Variants in TEKT3 observed in about 807,000 individuals in gnomAD.
TEKT3 encodes the protein tektin-3.
In TEKT3, 49 loss-of-function variants were observed where a neutral mutation model predicts 49.8. The ratio of observed to expected loss-of-function variants is 0.98; its 90% confidence interval spans 0.78 to 1.25. TEKT3 has a LOEUF of 1.25. TEKT3 is among the 50% of genes most tolerant of loss of function. TEKT3 has a pLI of 0.00. For synonymous variants in TEKT3, 225 were observed against 237.2 expected, an observed-to-expected ratio of 0.95 and a Z score of 0.47; for missense variants, 595 against 629.5, an observed-to-expected ratio of 0.95 and a Z score of 0.59.
intron 8 of TEKT3, among the ~76,000 whole-genome samples, chr17:15,306,089 A>ATATATATATATATGTG (rs1291765039): frequency 2.1e-5 from 3 of 144,410 alleles, no homozygotes; most frequent in African/African-American, 7.7e-5. Flanking sequence ...ATTTATATAT[A>ATATATATATATATGTG]TGTGTGTGTG....
chr17:15,318,248 C>T (rs1176606152), intron 5 of TEKT3, among the ~76,000 whole-genome samples: 1 of 152,102 alleles, frequency 6.6e-6, no homozygotes, highest in Non-Finnish European at 1.5e-5. Context: ...CCCGGCCTCC[C>T]AAAGTGCTGG....
intron 4 of TEKT3, among the ~76,000 whole-genome samples, chr17:15,321,079 G>A (rs926680803): frequency 2.0e-5 from 3 of 149,882 alleles, no homozygotes; most frequent in African/African-American, 7.4e-5. Flanking sequence ...GCGCGATCTC[G>A]GCTCACTGCA....
intron 4 of TEKT3, among the ~76,000 whole-genome samples, chr17:15,325,496 G>C (rs1203082925): frequency 1.3e-5 from 2 of 151,900 alleles, no homozygotes; most frequent in African/African-American, 4.8e-5. Context: ...ATTACCTGGG[G>C]GATATTTTAA....
In TEKT3 at chr17:15,331,182, G is replaced by C. The variant is rs751407485; in HGVS notation, c.404C>G (p.Thr135Arg). The C allele has an allele frequency of 1.2e-6, 2 of 1,614,096 alleles. No individual in the cohort carries two copies. The highest frequency in any genetic ancestry group is 1.3e-5 in the African/African-American group (1 of 75,018). ...SRLIQDKYQQ[T>R]RKTQADTTQN... is the part of the protein sequence containing the mutation. ...GGTTGTGTCTGCCTGAGTTTTTCTT[G>C]TTTGTTGATATTTGTCTTGAATCAG... Residue 135 changes from threonine to arginine, a missense_variant, in exon 3 of 9, where the codon ACA (threonine) becomes AGA (arginine). Physicochemically the swap from Thr to Arg is moderately conservative, Grantham distance 71. Coordinates refer to ENST00000395930, the MANE Select transcript of TEKT3 (RefSeq NM_031898.3).
At chr17:15,307,748 C>T (rs537335304) in intron 8 of TEKT3, among the ~76,000 whole-genome samples, 3 of 152,254 alleles carry the variant, frequency 2.0e-5, no homozygotes, top group Non-Finnish European at 2.9e-5. Context: ...CTGGAGTTCA[C>T]GCACTGCCCT....
intron 4 of TEKT3, among the ~76,000 whole-genome samples, chr17:15,327,251 C>T (rs543416523): frequency 6.6e-6 from 1 of 151,892 alleles, no homozygotes; most frequent in Non-Finnish European, 1.5e-5. Flanking sequence ...GGTGCAGTGG[C>T]TCAAGTCTGT....
In TEKT3 at chr17:15,319,077, G is replaced by T. The variant is rs767177901; in HGVS notation, c.734C>A (p.Ala245Glu). Residue 245 changes from alanine to glutamate, a missense_variant and splice_region_variant, in exon 5 of 9, where the codon GCA becomes GAA. Physicochemically the swap from Ala to Glu is moderately radical, Grantham distance 107. Coordinates refer to ENST00000395930, the MANE Select transcript of TEKT3 (RefSeq NM_031898.3). ...TTGTATAGAGACATAAAGCTCTTAC[G>T]CAAGTTGGGCAATAGCCTTATCCAA... ...LHLDKAIAQL[A>E]ANRASQHELE... 34 of 1,609,358 alleles carry T rather than the reference G, an allele frequency of 2.1e-5. No individual in the cohort carries two copies. The highest frequency in any genetic ancestry group is 2.9e-5 in the Non-Finnish European group (34 of 1,177,790).
chr17:15,320,465 T>C (rs1911203183), intron 4 of TEKT3, among the ~76,000 whole-genome samples: 1 of 152,240 alleles, frequency 6.6e-6, no homozygotes, highest in South Asian at 2.1e-4. Context: ...ATTTCTATGA[T>C]ATCAAATCTA....
intron 4 of TEKT3, among the ~76,000 whole-genome samples, chr17:15,327,154 T>C (rs1911525244): frequency 7.0e-6 from 1 of 143,380 alleles, no homozygotes; most frequent in Admixed American, 7.0e-5. Context: ...AGATGATTGA[T>C]TGAAAAAAAA....
chr17:15,308,386 T>C (rs139221922), intron 8 of TEKT3, among the ~76,000 whole-genome samples: 2 of 152,290 alleles, frequency 1.3e-5, no homozygotes, highest in African/African-American at 4.8e-5. Context: ...TGGTAAAATA[T>C]ACATAACATA....
At position 15,331,042 on chromosome 17, in the gene TEKT3, C is replaced by CA. The variant is rs563349948; in HGVS notation, c.543_544insT (p.Glu182Ter). ...GCTTCAGTCTCCATCAAAGCCCGCT[C>CA]CAGTCTTTTCTTCACATCAGTAAGT... is the stretch of plus-strand genomic sequence containing the variant. On this transcript the variant is annotated frameshift_variant, in exon 3 of 9. Transcript: ENST00000395930. LOFTEE classifies it high-confidence loss of function. 159 of 1,613,766 alleles carry CA rather than the reference C, an allele frequency of 9.9e-5. No homozygotes were observed. In the East Asian group the frequency reaches 3.4e-3, roughly 34 times the overall value.
chr17:15,317,991 CTTT>C (rs1212632176), intron 5 of TEKT3, among the ~76,000 whole-genome samples: 3 of 98,112 alleles, frequency 3.1e-5, no homozygotes, highest in Non-Finnish European at 3.9e-5. Context: ...TTTTTTTTTT[CTTT>C]TTTTTTTTTT....
At chr17:15,343,570 C>A (rs565602203), upstream of TEKT3, among the ~76,000 whole-genome samples, 1 of 152,316 alleles carries the variant, frequency 6.6e-6, no homozygotes, top group South Asian at 2.1e-4. Flanking sequence ...ATCTCTGTAT[C>A]CCCAGCATGG....
chr17:15,341,069 G>A, intron 1 of TEKT3, among the ~76,000 whole-genome samples: 1 of 152,174 alleles, frequency 6.6e-6, no homozygotes, highest in Non-Finnish European at 1.5e-5. Context: ...AAGGAGCTCG[G>A]TCTACAAGAC....
chr17:15,313,657 C>T (rs1282252981), intron 6 of TEKT3, among the ~76,000 whole-genome samples: 1 of 152,050 alleles, frequency 6.6e-6, no homozygotes. Flanking sequence ...TACAAGCACC[C>T]ACCACCATGC....
At chr17:15,340,563 A>C (rs895015891) in intron 1 of TEKT3, 1 of 152,246 alleles carries the variant, frequency 6.6e-6, no homozygotes, top group Non-Finnish European at 1.5e-5. Flanking sequence ...AAAAGTATAC[A>C]TTGGTTTAGG....
chr17:15,331,349 G>A lies in TEKT3; in HGVS notation c.237C>T (p.Thr79=). 6.2e-7 allele frequency: 1 copy of A among 1,614,192 alleles called. No homozygotes were observed. The highest frequency in any genetic ancestry group is 8.5e-7 in the Non-Finnish European group (1 of 1,180,046). The change falls in exon 3 of 9, where the codon ACC becomes ACT. Residue 79 remains threonine, a synonymous_variant. Transcript: ENST00000395930. The part of the protein sequence containing the change: ...CTRSQRVSEN[T]MLPFVSNRTT... ...TTCTGTTGGAAACAAAGGGAAGCAT[G>A]GTATTCTCGGACACCCTCTGTGATC...
At chr17:15,327,822 AAT>A (rs1219125646) in intron 4 of TEKT3, 168 bp downstream of exon 4, 2 of 516,860 alleles carry the variant, frequency 3.9e-6, no homozygotes, top group Non-Finnish European at 6.9e-6. Flanking sequence ...ATTCTCATTG[AAT>A]ATATGTTATA....
In TEKT3 at chr17:15,304,378, C is replaced by A. The variant is rs1910450781; in HGVS notation, c.1257-226G>T. Among the ~76,000 whole-genome samples the A allele has an allele frequency of 6.6e-6, 1 of 152,150 alleles. No homozygotes were observed. Among genetic ancestry groups the A allele is most frequent in the Non-Finnish European group, 1.5e-5 (1 of 68,040 alleles). On this transcript the variant is annotated intron_variant, in intron 8 of 8. Coordinates refer to ENST00000395930, the MANE Select transcript of TEKT3 (RefSeq NM_031898.3). The surrounding 1 kb of genome is among the most constrained non-coding windows in gnomAD (Gnocchi z 4.7). ...TGTCCCAGGAGATAGAAAAGGATTT[C>A]ATAATTATAGAAAAATATCTAGACC...
Sources: allele counts gnomAD v4.1 joint callset (sites outside exome capture counted in the v4.1 genomes callset), GRCh38; gene constraint gnomAD v4.1.1; non-coding constraint Gnocchi (gnomAD v3.1); transcripts MANE v1.5; gene names NCBI Gene and HGNC (gene_info 2026-07-23, HGNC 2026-07-21).